The following XRN2 variants were observed in gnomAD, a reference collection of about 807,000 sequenced individuals.
The protein encoded by XRN2 is DHM1-like protein.
XRN2 carries 44 observed loss-of-function variants against 138.5 expected under a neutral mutation model. The observed-to-expected ratio is 0.32, with a 90% confidence interval of 0.25 to 0.41. The LOEUF is 0.41. Among genes scored for constraint, XRN2 ranks in the 10% least tolerant of loss-of-function variants. The pLI is 1.00. For missense variants in XRN2, 937 were observed against 1,169.3 expected, an observed-to-expected ratio of 0.80 and a Z score of 2.90; for synonymous variants, 354 against 369.4, an observed-to-expected ratio of 0.96 and a Z score of 0.48.
At chr20:21,330,014 G>T (rs1175359960) in intron 4 of XRN2, among the ~76,000 whole-genome samples, 1 of 152,114 alleles carries the variant, frequency 6.6e-6, no homozygotes, top group Non-Finnish European at 1.5e-5. Context: ...TGAGCACGAT[G>T]GCTCACCCCT....
At chr20:21,332,696 A>G (rs1456276274) in intron 9 of XRN2, among the ~76,000 whole-genome samples, 1 of 152,020 alleles carries the variant, frequency 6.6e-6, no homozygotes, top group Non-Finnish European at 1.5e-5. Context: ...CAGTCTCGAC[A>G]GAGACGAATC....
intron 1 of XRN2, among the ~76,000 whole-genome samples, chr20:21,323,291 A>ATTTG (rs898277408): frequency 7.9e-5 from 12 of 152,054 alleles, no homozygotes; most frequent in Non-Finnish European, 1.0e-4. Context: ...TATACAGTAG[A>ATTTG]TTTGTTTGTT....
rs1555788238 is a variant in XRN2 at position 21,377,264 on chromosome 20, C to CTTTTTTTTTTCT, written c.2585-4720_2585-4719insCTTTTTTTTTTT. 1.6e-4 allele frequency among the ~76,000 whole-genome samples: 13 copies of CTTTTTTTTTTCT among 82,782 alleles called. 3 individuals are homozygous for CTTTTTTTTTTCT. The highest frequency in any genetic ancestry group is 6.6e-4 in the Admixed American group (4 of 6,080). The allele number at this position is 82,782 out of a possible 152,430, so 54.3% of individuals were successfully genotyped here. A position where few individuals can be genotyped will look rare whatever the true frequency, so the allele number is the denominator to read the frequency against. On this transcript the variant is annotated intron_variant, in intron 27 of 29. Coordinates refer to ENST00000377191, the MANE Select transcript of XRN2 (RefSeq NM_012255.5). ...CCAACATATGATTTGTCGGTTTTTTCTTTTTTTTTTTTTTGGTCAGTCTTG... is the reference window on the plus strand; with the variant it reads ...CCAACATATGATTTGTCGGTTTTTTCTTTTTTTTTTCTTTTTTTTTTTTTTTGGTCAGTCTTG...
chr20:21,333,435 GT>G, intron 9 of XRN2, 108 bp from the exon 10 acceptor site: 1 of 1,093,086 alleles, frequency 9.1e-7, no homozygotes, highest in Non-Finnish European at 1.4e-6. Context: ...TTAAATACTT[GT>G]GATATTAAAA....
At chr20:21,364,420 TAA>T (rs979346186) in intron 24 of XRN2, among the ~76,000 whole-genome samples, 3 of 152,112 alleles carry the variant, frequency 2.0e-5, no homozygotes, top group African/African-American at 7.2e-5. Flanking sequence ...TTGGGATAGG[TAA>T]ACACACATAC....
intron 8 of XRN2, 33 bp from the exon 9 acceptor site, chr20:21,332,250 C>T (rs752000654): frequency 3.8e-6 from 6 of 1,597,664 alleles, no homozygotes; most frequent in Non-Finnish European, 5.1e-6. Context: ...AGAATACTCA[C>T]TGTTCGATGT....
chr20:21,375,948 C>T (rs908691794), intron 27 of XRN2, among the ~76,000 whole-genome samples: 2 of 151,772 alleles, frequency 1.3e-5, no homozygotes, highest in African/African-American at 4.8e-5. Flanking sequence ...ATGCCATTCT[C>T]CTGCCTCAGC....
chr20:21,349,706 G>GCATTC (rs2038482449), intron 20 of XRN2, among the ~76,000 whole-genome samples: 1 of 152,026 alleles, frequency 6.6e-6, no homozygotes, highest in Non-Finnish European at 1.5e-5. Flanking sequence ...TTGCACCACT[G>GCATTC]CATTCCAGCC....
chr20:21,379,838 A>G (rs1010995275), intron 27 of XRN2, among the ~76,000 whole-genome samples: 1 of 152,222 alleles, frequency 6.6e-6, no homozygotes. Flanking sequence ...ATGAATATAT[A>G]TTATGGGTGG....
chr20:21,327,500 T>C (rs1316938017), intron 3 of XRN2, among the ~76,000 whole-genome samples: 1 of 152,180 alleles, frequency 6.6e-6, no homozygotes, highest in Admixed American at 6.5e-5. Flanking sequence ...GTGAAAAACC[T>C]TAGCTACCTG....
intron 3 of XRN2, among the ~76,000 whole-genome samples, chr20:21,327,930 A>C (rs2038149879): frequency 6.6e-6 from 1 of 152,226 alleles, no homozygotes; most frequent in Admixed American, 6.5e-5. Flanking sequence ...GGGCTTTTCC[A>C]CTGAAATTGC....
intron 1 of XRN2, among the ~76,000 whole-genome samples, chr20:21,309,053 C>T (rs145986462): frequency 3.3e-5 from 5 of 152,228 alleles, no homozygotes; most frequent in Non-Finnish European, 7.4e-5. Flanking sequence ...TTTTTATATA[C>T]GTTGAATTCA....
At position 21,307,472 on chromosome 20, in the gene XRN2, T is replaced by C. The variant is rs184043723; in HGVS notation, c.75+3999T>C. Among the ~76,000 whole-genome samples, 2 of 76,836 alleles carry C rather than the reference T, an allele frequency of 2.6e-5. 1 individual carries two copies. Among genetic ancestry groups the C allele is most frequent in the East Asian group, 1.3e-3 (2 of 1,520 alleles). 50.4% of individuals were successfully genotyped at this position (76,836 alleles called of 152,430 possible). A position where few individuals can be genotyped will look rare whatever the true frequency, so the allele number is the denominator to read the frequency against. On this transcript the variant is annotated intron_variant, in intron 1 of 29. Transcript: ENST00000377191. ...TTGAAACCTCCCCCAACCTTTGGTG[T>C]TTTTGCAGCTTTGTTGAGGTATACT...
At chr20:21,340,080 A>G (rs1424098509) in intron 14 of XRN2, among the ~76,000 whole-genome samples, 1 of 152,208 alleles carries the variant, frequency 6.6e-6, no homozygotes, top group South Asian at 2.1e-4. Context: ...ATATCTAATT[A>G]ATTGGAAATA....
At chr20:21,376,168 C>G (rs537466434) in intron 27 of XRN2, among the ~76,000 whole-genome samples, 1 of 151,908 alleles carries the variant, frequency 6.6e-6, no homozygotes, top group Non-Finnish European at 1.5e-5. Context: ...AGTTCTTGGC[C>G]GGGTGCAGTG....
chr20:21,328,734 G>A, intron 4 of XRN2, 64 bp downstream of exon 4: 1 of 1,459,872 alleles, frequency 6.8e-7, no homozygotes, highest in Non-Finnish European at 9.4e-7. Flanking sequence ...AGGGGGTGGT[G>A]GCAACTTTTT....
chr20:21,378,038 C>G (rs147625271), intron 27 of XRN2, among the ~76,000 whole-genome samples: 3 of 152,122 alleles, frequency 2.0e-5, no homozygotes, highest in Admixed American at 1.3e-4. Flanking sequence ...TTTATCTGAT[C>G]CCTTCTCTTT....
intron 29 of XRN2, among the ~76,000 whole-genome samples, chr20:21,388,005 C>CT (rs1446391305): frequency 2.6e-5 from 4 of 152,186 alleles, no homozygotes; most frequent in African/African-American, 9.7e-5. Flanking sequence ...GCTTTGAATT[C>CT]TTTCAGCCCA....
At chr20:21,357,275 T>C (rs865846876) in intron 23 of XRN2, among the ~76,000 whole-genome samples, 3 of 152,208 alleles carry the variant, frequency 2.0e-5, no homozygotes, top group African/African-American at 4.8e-5. Context: ...GTGAACCACA[T>C]GTCAAGGGTA....
Sources: allele counts gnomAD v4.1 joint callset (sites outside exome capture counted in the v4.1 genomes callset), GRCh38; gene constraint gnomAD v4.1.1; transcripts MANE v1.5; gene names NCBI Gene and HGNC (gene_info 2026-07-23, HGNC 2026-07-21).